The following MEI4 variants were observed in gnomAD, a reference collection of about 807,000 sequenced individuals.
MEI4 encodes the protein meiosis-specific protein MEI4.
MEI4 carries 27 observed loss-of-function variants against 31.4 expected under a neutral mutation model. The ratio of observed to expected loss-of-function variants is 0.86; its 90% CI spans 0.63 to 1.19. The LOEUF is 1.19. MEI4 is among the 50% of genes most tolerant of loss of function. MEI4 has a pLI of 0.00. For missense variants in MEI4, 329 were observed against 398.9 expected, an observed-to-expected ratio of 0.82 and a Z score of 1.49; for synonymous variants, 122 against 145.4, an observed-to-expected ratio of 0.84 and a Z score of 1.16.
intron 3 of MEI4, among the ~76,000 whole-genome samples, chr6:77,827,504 A>T (rs943830298): frequency 6.6e-6 from 1 of 151,874 alleles, no homozygotes; most frequent in African/African-American, 2.4e-5. Context: ...TTCCTTGGTG[A>T]TGCATTTCTA....
chr6:77,736,083 T>C (rs1468662635), intron 2 of MEI4, among the ~76,000 whole-genome samples: 2 of 152,036 alleles, frequency 1.3e-5, no homozygotes, highest in Non-Finnish European at 2.9e-5. Flanking sequence ...CTGCTGTCTT[T>C]TTGTTTGTCT....
chr6:77,817,687 GATGTT>G (rs1053090768), intron 3 of MEI4, among the ~76,000 whole-genome samples: 1 of 151,736 alleles, frequency 6.6e-6, no homozygotes, highest in Non-Finnish European at 1.5e-5. Flanking sequence ...GATAAAATGT[GATGTT>G]ATAATTTTTT....
At chr6:77,707,679 C>T (rs1422150897) in intron 2 of MEI4, among the ~76,000 whole-genome samples, 1 of 152,178 alleles carries the variant, frequency 6.6e-6, no homozygotes, top group East Asian at 1.9e-4. Context: ...GCCCAGAGTC[C>T]TAGAAGGAAG....
intron 4 of MEI4, among the ~76,000 whole-genome samples, chr6:77,869,159 G>T (rs1771135851): frequency 6.6e-6 from 1 of 152,234 alleles, no homozygotes; most frequent in South Asian, 2.1e-4. Flanking sequence ...TTCCAGGGGA[G>T]GGAGCCAGAG....
chr6:77,701,833 G>A (rs760259029), intron 2 of MEI4, among the ~76,000 whole-genome samples: 6 of 152,108 alleles, frequency 3.9e-5, no homozygotes, highest in Non-Finnish European at 8.8e-5. Context: ...TAGTGGAGGT[G>A]GAGGGCAGTA....
chr6:77,830,701 T>C (rs546054789), intron 4 of MEI4, among the ~76,000 whole-genome samples: 4 of 152,136 alleles, frequency 2.6e-5, no homozygotes, highest in South Asian at 2.1e-4. Flanking sequence ...GATATCCATA[T>C]GCAAAAGAAC....
At chr6:77,843,204 A>T (rs971994865) in intron 4 of MEI4, among the ~76,000 whole-genome samples, 1 of 151,840 alleles carries the variant, frequency 6.6e-6, no homozygotes, top group Non-Finnish European at 1.5e-5. Context: ...TCCCTGGGAA[A>T]CCCTGGGAAA....
chr6:77,828,000 ACT>A (rs932398646), intron 3 of MEI4, among the ~76,000 whole-genome samples: 6 of 152,038 alleles, frequency 3.9e-5, no homozygotes, highest in African/African-American at 1.4e-4. Context: ...ATAGTATTTA[ACT>A]TTTCAAGGTT....
upstream of MEI4, among the ~76,000 whole-genome samples, chr6:77,650,632 C>G (rs1422420283): frequency 1.3e-5 from 2 of 152,228 alleles, no homozygotes; most frequent in African/African-American, 4.8e-5. Context: ...AGCGCGAGGC[C>G]TGGCTTTCTG....
chr6:77,704,140 G>C (rs1393236696), intron 2 of MEI4, among the ~76,000 whole-genome samples: 2 of 152,174 alleles, frequency 1.3e-5, no homozygotes, highest in Non-Finnish European at 2.9e-5. Flanking sequence ...CTCTTTTTCT[G>C]AGACTCTTTT....
intron 4 of MEI4, among the ~76,000 whole-genome samples, chr6:77,911,733 A>AAG (rs1554180149): frequency 9.5e-5 from 14 of 147,058 alleles, no homozygotes; most frequent in African/African-American, 3.5e-4. Flanking sequence ...TTATATATAT[A>AAG]ATATATATAT....
rs1771059439 is a variant in MEI4, at chr6:77,867,287, A to C, written c.900+38225A>C. On this transcript the variant is annotated intron_variant, in intron 4 of 4. Transcript: ENST00000684080. The stretch of plus-strand genomic sequence containing the variant: ...GAAACTACCATCAGAGTGAACAGGC[A>C]ACCTACAGAATGGGAGAAAATTTTT... 2.6e-5 allele frequency among the ~76,000 whole-genome samples: 4 copies of C among 152,350 alleles called. No individual in the cohort carries two copies. In the South Asian group the frequency reaches 8.3e-4, roughly 32 times the overall value.
At chr6:77,868,498 A>AATATATATATATATATATATATATAT (rs1771107590) in intron 4 of MEI4, among the ~76,000 whole-genome samples, 1 of 14,600 alleles carries the variant, frequency 6.8e-5, no homozygotes, top group African/African-American at 2.7e-4. Context: ...TGTAAAAAAT[A>AATATATATATATATATATATATATAT]CTACATATAT....
At chr6:77,664,872 C>T (rs184140771) in intron 1 of MEI4, among the ~76,000 whole-genome samples, 11 of 152,108 alleles carry the variant, frequency 7.2e-5, no homozygotes, top group Admixed American at 2.0e-4. Flanking sequence ...GAACTACTGT[C>T]GAGTTTGTAT....
chr6:77,812,391 AGATGAT>A (rs777180285), intron 3 of MEI4, among the ~76,000 whole-genome samples: 1 of 152,102 alleles, frequency 6.6e-6, no homozygotes. Flanking sequence ...TATTGCTTAG[AGATGAT>A]GATGATGATG....
At chr6:77,721,887 C>A (rs1278747918) in intron 2 of MEI4, among the ~76,000 whole-genome samples, 1 of 117,400 alleles carries the variant, frequency 8.5e-6, no homozygotes, top group Non-Finnish European at 1.8e-5. Context: ...ATTTATCTTT[C>A]GTTTCTGCAG....
At chr6:77,816,220 TATA>T (rs1487444949) in intron 3 of MEI4, among the ~76,000 whole-genome samples, 1 of 152,156 alleles carries the variant, frequency 6.6e-6, no homozygotes, top group Non-Finnish European at 1.5e-5. Context: ...CTACTCAAAT[TATA>T]ATTTTAATTT....
intron 3 of MEI4, among the ~76,000 whole-genome samples, chr6:77,825,136 C>T (rs1769914104): frequency 6.6e-6 from 1 of 152,216 alleles, no homozygotes; most frequent in Non-Finnish European, 1.5e-5. Flanking sequence ...AAACAAATGT[C>T]AGTGACTCAA....
At chr6:77,764,972 A>G (rs1459559164) in intron 3 of MEI4, among the ~76,000 whole-genome samples, 1 of 152,194 alleles carries the variant, frequency 6.6e-6, no homozygotes, top group African/African-American at 2.4e-5. Flanking sequence ...TAATAAGGAC[A>G]TTTATAAGGT....
Sources: gnomAD v4.1 joint callset for allele counts (sites outside exome capture counted in the v4.1 genomes callset) on GRCh38, gnomAD v4.1.1 for gene constraint, MANE v1.5 for transcripts, NCBI Gene and HGNC (gene_info 2026-07-23, HGNC 2026-07-21) for gene names.